Variants in STIM1 observed in about 807,000 individuals in gnomAD.
STIM1 encodes the protein stromal interaction molecule 1.
STIM1 carries 25 observed loss-of-function variants against 74.7 expected under a neutral mutation model. The observed-to-expected ratio is 0.33, with a 90% CI of 0.24 to 0.47. The LOEUF is 0.47. STIM1 is among the 20% of genes least tolerant of loss of function. The probability of loss-of-function intolerance (pLI) is 1.00; values close to 1 mark genes in which losing one functional copy is unlikely to be tolerated. For missense variants in STIM1, 728 were observed against 920.8 expected, an observed-to-expected ratio of 0.79 and a Z score of 2.71; for synonymous variants, 328 against 348.8, an observed-to-expected ratio of 0.94 and a Z score of 0.66.
At chr11:4,019,951 T>G (rs1187505291) in intron 2 of STIM1, among the ~76,000 whole-genome samples, 1 of 152,176 alleles carries the variant, frequency 6.6e-6, no homozygotes, top group Non-Finnish European at 1.5e-5. Context: ...CATCTCCCTG[T>G]CTACCCTTCC....
intron 1 of STIM1, among the ~76,000 whole-genome samples, chr11:3,963,221 C>G (rs901903715): frequency 1.3e-5 from 2 of 152,126 alleles, no homozygotes; most frequent in African/African-American, 4.8e-5. Flanking sequence ...TATTTTTCCT[C>G]ATCCTCTTCC....
chr11:3,992,099 T>TG (rs2093621346), intron 2 of STIM1, among the ~76,000 whole-genome samples: 1 of 137,480 alleles, frequency 7.3e-6, no homozygotes, highest in Admixed American at 7.3e-5. Flanking sequence ...GTTTTTTTTT[T>TG]TTTTTTTTTT....
chr11:3,855,635 G>GGCCCGCCCCGC (rs2090334430), upstream of STIM1: 1 of 135,542 alleles, frequency 7.4e-6, no homozygotes, highest in South Asian at 2.7e-4. Context: ...GCCCGCCCCG[G>GGCCCGCCCCGC]GCCCGCCCCG....
At chr11:4,026,806 A>T (rs1172018133) in intron 3 of STIM1, among the ~76,000 whole-genome samples, 2 of 152,194 alleles carry the variant, frequency 1.3e-5, no homozygotes, top group African/African-American at 4.8e-5. Context: ...TGGAATCAGG[A>T]CACATCTCCA....
At chr11:3,936,461 C>A (rs978632409) in intron 1 of STIM1, among the ~76,000 whole-genome samples, 2 of 152,160 alleles carry the variant, frequency 1.3e-5, no homozygotes, top group Admixed American at 6.5e-5. Context: ...AGTTCCAGGA[C>A]CCAAAGAAGG....
chr11:3,907,615 C>T (rs1000009373), intron 1 of STIM1, among the ~76,000 whole-genome samples: 34 of 152,172 alleles, frequency 2.2e-4, no homozygotes, highest in Admixed American at 2.0e-3. Flanking sequence ...AACAGGAAGC[C>T]GGAGTGATCC....
intron 1 of STIM1, among the ~76,000 whole-genome samples, chr11:3,900,732 G>A (rs1175861582): frequency 6.6e-6 from 1 of 152,060 alleles, no homozygotes; most frequent in Non-Finnish European, 1.5e-5. Flanking sequence ...GGCACACCCC[G>A]CCATGCCTGG....
At chr11:3,882,013 C>G (rs1416130128) in intron 1 of STIM1, among the ~76,000 whole-genome samples, 1 of 150,110 alleles carries the variant, frequency 6.7e-6, no homozygotes, top group Non-Finnish European at 1.5e-5. Flanking sequence ...TGTATTGTGT[C>G]TGGCTTCTTT....
At chr11:4,086,330 A>G in intron 11 of STIM1, 147 bp from the exon 12 acceptor site, 1 of 831,506 alleles carries the variant, frequency 1.2e-6, no homozygotes. Context: ...CCCTGGTGGG[A>G]GGTTTCTGGG....
intron 1 of STIM1, among the ~76,000 whole-genome samples, chr11:3,911,822 C>T (rs1433417654): frequency 6.6e-6 from 1 of 152,190 alleles, no homozygotes; most frequent in African/African-American, 2.4e-5. Context: ...TTATATGTCT[C>T]AGTTATCTTG....
At chr11:3,932,788 A>G (rs2092885437) in intron 1 of STIM1, among the ~76,000 whole-genome samples, 2 of 152,146 alleles carry the variant, frequency 1.3e-5, no homozygotes, top group South Asian at 4.1e-4. Context: ...CCCTCGCCAG[A>G]CACTGAATCT....
At chr11:3,951,883 G>C (rs890463000) in intron 1 of STIM1, among the ~76,000 whole-genome samples, 1 of 152,094 alleles carries the variant, frequency 6.6e-6, no homozygotes, top group South Asian at 2.1e-4. Context: ...AGATAATTTG[G>C]GGTAGCTTTT....
chr11:3,877,412 G>A (rs529324288), intron 1 of STIM1, among the ~76,000 whole-genome samples: 28 of 152,256 alleles, frequency 1.8e-4, no homozygotes, highest in Admixed American at 1.0e-3. Flanking sequence ...TTGTTCAGAG[G>A]TTGTTGTTCC....
chr11:4,051,709 TGA>T (rs1046979972), intron 3 of STIM1, among the ~76,000 whole-genome samples: 33 of 152,186 alleles, frequency 2.2e-4, no homozygotes, highest in African/African-American at 7.9e-4. Flanking sequence ...TGCAGTGGCG[TGA>T]TCATGGCTCT....
chr11:3,861,678 G>T (rs2090617473), intron 1 of STIM1, among the ~76,000 whole-genome samples: 1 of 152,176 alleles, frequency 6.6e-6, no homozygotes, highest in African/African-American at 2.4e-5. Context: ...GTGGTTGGTT[G>T]CTCCATATGT....
intron 7 of STIM1, among the ~76,000 whole-genome samples, chr11:4,078,300 A>G (rs1361697851): frequency 6.6e-6 from 1 of 152,148 alleles, no homozygotes; most frequent in Non-Finnish European, 1.5e-5. Context: ...CTGACTTTTA[A>G]ATGGAAAGCT....
At chr11:3,988,215 A>T (rs2093575538) in intron 2 of STIM1, among the ~76,000 whole-genome samples, 1 of 152,206 alleles carries the variant, frequency 6.6e-6, no homozygotes, top group Non-Finnish European at 1.5e-5. Flanking sequence ...CCGTTTGTTC[A>T]TGGGGATTGT....
chr11:4,056,890 G>A (rs1242639996), intron 4 of STIM1, among the ~76,000 whole-genome samples: 1 of 152,192 alleles, frequency 6.6e-6, no homozygotes, highest in East Asian at 1.9e-4. Context: ...CTGGTAAGTG[G>A]CAGAGCTGGG....
At chr11:4,006,018 G>C (rs1442932008) in intron 2 of STIM1, among the ~76,000 whole-genome samples, 1 of 152,120 alleles carries the variant, frequency 6.6e-6, no homozygotes, top group Non-Finnish European at 1.5e-5. Context: ...GTGACTTATG[G>C]GTTTGATATG....
Sources: allele counts gnomAD v4.1 joint callset (sites outside exome capture counted in the v4.1 genomes callset), GRCh38; gene constraint gnomAD v4.1.1; transcripts MANE v1.5; gene names NCBI Gene and HGNC (gene_info 2026-07-23, HGNC 2026-07-21).